ZNF616: variants seen among roughly 807,000 people sequenced by gnomAD.
ZNF616 encodes the protein zinc finger protein 616.
Under a neutral mutation model 7.6 loss-of-function variants are expected in ZNF616, and 5 were observed. That is an observed-to-expected ratio of 0.66 (90% CI 0.34 to 1.38). The LOEUF (loss-of-function observed/expected upper bound fraction) is 1.38. Ranked by LOEUF, ZNF616 falls within the 40% of genes most tolerant of loss-of-function variation. The pLI, the probability that ZNF616 is intolerant of heterozygous loss-of-function variation, is 0.04. For missense variants in ZNF616, 913 were observed against 948.3 expected (o/e 0.96, Z 0.49); for synonymous variants, 319 against 317.2 (o/e 1.01, Z -0.06).
At chr19:52,138,270 C>G (rs1439320345) in intron 1 of ZNF616, among the ~76,000 whole-genome samples, 1 of 152,210 alleles carries the variant, frequency 6.6e-6, no homozygotes, top group African/African-American at 2.4e-5. Flanking sequence ...ATGACTGAAT[C>G]AAGTCACTGC....
intron 1 of ZNF616, among the ~76,000 whole-genome samples, chr19:52,138,253 T>C (rs956868816): frequency 1.3e-5 from 2 of 152,114 alleles, no homozygotes; most frequent in African/African-American, 4.8e-5. Flanking sequence ...GAAAGAAGAG[T>C]TACAAAATGA....
intron 1 of ZNF616, among the ~76,000 whole-genome samples, chr19:52,136,674 T>C (rs2089012000): frequency 6.6e-6 from 1 of 152,170 alleles, no homozygotes; most frequent in African/African-American, 2.4e-5. Flanking sequence ...AAAAACACTA[T>C]GGATGTTCTT....
chr19:52,134,153 A>C (rs1004052617), intron 1 of ZNF616, among the ~76,000 whole-genome samples: 3 of 152,202 alleles, frequency 2.0e-5, no homozygotes, highest in Admixed American at 6.5e-5. Context: ...CACATTAGCA[A>C]ACTGACCCTT....
intron 2 of ZNF616, among the ~76,000 whole-genome samples, chr19:52,125,485 T>C (rs1360221560): frequency 6.6e-6 from 1 of 152,224 alleles, no homozygotes; most frequent in Non-Finnish European, 1.5e-5. Flanking sequence ...GGCTTGACAA[T>C]AATCTTCTTT....
intron 2 of ZNF616, among the ~76,000 whole-genome samples, chr19:52,127,421 GA>G (rs2088919471): frequency 6.6e-6 from 1 of 152,140 alleles, no homozygotes; most frequent in Non-Finnish European, 1.5e-5. Context: ...ATTTTGGAAA[GA>G]AAATGGAGGG....
intron 1 of ZNF616, among the ~76,000 whole-genome samples, chr19:52,137,053 G>GTGTA (rs958896902): frequency 1.1e-3 from 159 of 143,732 alleles, no homozygotes; most frequent in African/African-American, 3.4e-3. Context: ...TTATGTATGT[G>GTGTA]TATATATATA....
intron 2 of ZNF616, among the ~76,000 whole-genome samples, chr19:52,125,667 C>A (rs139259732): frequency 6.6e-6 from 1 of 152,102 alleles, no homozygotes; most frequent in Non-Finnish European, 1.5e-5. Context: ...GGGTCTCAGG[C>A]GTGGTCCTGC....
intron 1 of ZNF616, among the ~76,000 whole-genome samples, chr19:52,130,927 G>A (rs1022718356): frequency 2.0e-5 from 3 of 152,202 alleles, no homozygotes; most frequent in Non-Finnish European, 2.9e-5. Context: ...CTCTGCCCTC[G>A]GAAATGGGGG....
chr19:52,115,799 ATGCAC>A lies in ZNF616; in HGVS notation c.1360_1364del (p.Val454LeufsTer11). 3 of 1,608,846 alleles carry A rather than the reference ATGCAC, an allele frequency of 1.9e-6. No homozygotes were observed. The highest frequency in any genetic ancestry group is 2.5e-6 in the Non-Finnish European group (3 of 1,177,696). ...CTTTCTCGCCGGTATGAATTCTCCA[ATGCAC>A]TGCAAGATGTGAATGCTTACTGTAC... On this transcript the variant is annotated frameshift_variant, in exon 4 of 4. Coordinates refer to ENST00000600228, the MANE Select transcript of ZNF616 (RefSeq NM_178523.5). LOFTEE classifies it low-confidence loss of function (END_TRUNC).
At chr19:52,118,793 G>T (rs1270449037) in intron 3 of ZNF616, among the ~76,000 whole-genome samples, 1 of 152,070 alleles carries the variant, frequency 6.6e-6, no homozygotes, top group East Asian at 1.9e-4. Flanking sequence ...CAATATTCTA[G>T]ACTAGCTAAC....
chr19:52,129,221 G>A (rs1331306311), intron 2 of ZNF616, among the ~76,000 whole-genome samples: 7 of 152,294 alleles, frequency 4.6e-5, no homozygotes, highest in Middle Eastern at 3.4e-3. Context: ...AGAGGTTGCA[G>A]TGAGTCGAGA....
At chr19:52,117,739 A>AT (rs1405333320) in intron 3 of ZNF616, among the ~76,000 whole-genome samples, 2 of 152,220 alleles carry the variant, frequency 1.3e-5, no homozygotes, top group Non-Finnish European at 2.9e-5. Flanking sequence ...ACTTTTAAAG[A>AT]TAAAAGAAAG....
chr19:52,117,941 A>G (rs2088839349), intron 3 of ZNF616, among the ~76,000 whole-genome samples: 1 of 150,918 alleles, frequency 6.6e-6, no homozygotes, highest in South Asian at 2.1e-4. Context: ...GCAACTCCCT[A>G]TCTATTGTCA....
intron 1 of ZNF616, among the ~76,000 whole-genome samples, chr19:52,136,645 C>CATCA (rs1212180162): frequency 6.6e-6 from 1 of 152,122 alleles, no homozygotes; most frequent in African/African-American, 2.4e-5. Flanking sequence ...TGGGAGTGCA[C>CATCA]ATCAGTACAG....
rs537981730 is a variant in ZNF616, at chr19:52,116,074, G to A, written c.1090C>T (p.His364Tyr). 3.7e-6 allele frequency: 6 copies of A among 1,613,964 alleles called. No individual in the cohort carries two copies. In the African/African-American group the frequency reaches 8.0e-5, roughly 22 times the overall value. The change falls in exon 4 of 4, where the codon CAT becomes TAT. Residue 364 changes from histidine (H) to tyrosine (Y), a missense_variant. Coordinates refer to ENST00000600228, the MANE Select transcript of ZNF616 (RefSeq NM_178523.5). ...KCDVCGKAFR[H>Y]RSNLVCHRRI... ...CGGTGACATACAAGATTTGATCTAT[G>A]TCTGAATGCCTTGCCACATACATCA...
At chr19:52,124,373 G>A (rs1364776150) in intron 2 of ZNF616, among the ~76,000 whole-genome samples, 2 of 152,210 alleles carry the variant, frequency 1.3e-5, no homozygotes, top group Non-Finnish European at 2.9e-5. Flanking sequence ...TATATGAGTG[G>A]TGTTTTCAGA....
In ZNF616 at chr19:52,116,279, T is replaced by G. The variant is rs1600120939; in HGVS notation, c.885A>C (p.Lys295Asn). 2 of 1,614,148 alleles carry G rather than the reference T, an allele frequency of 1.2e-6. No homozygotes were observed. The highest frequency in any genetic ancestry group is 1.7e-5 in the Admixed American group (1 of 60,010). Reference sequence around the variant, plus strand: ...TCCCACACAGATTACATTTGTAAGGTTTTTCACCGGTATGAATTCTCTGAT... The same window carrying G: ...TCCCACACAGATTACATTTGTAAGGGTTTTCACCGGTATGAATTCTCTGAT... ...AVHQRIHTGE[K>N]PYKCNLCGKS... is the part of the protein sequence containing the mutation. The change falls in exon 4 of 4, where the codon AAA (lysine) becomes AAC (asparagine). Residue 295 changes from lysine to asparagine, a missense_variant. Transcript: ENST00000600228.
rs568865473 is a variant in ZNF616 at position 52,120,080 on chromosome 19, C to T, written c.140-3056G>A. 1.6e-4 allele frequency among the ~76,000 whole-genome samples: 25 copies of T among 152,110 alleles called. 2 individuals carry two copies. In the South Asian group the frequency reaches 5.2e-3, roughly 32 times the overall value. On this transcript the variant is annotated intron_variant, in intron 3 of 3. Transcript: ENST00000600228. Reference sequence around the variant, plus strand: ...GAAGAAGACACGCTGGCAAAATGGGCAAATATTAATCTGAAAAAACTAAGA... The same window carrying T: ...GAAGAAGACACGCTGGCAAAATGGGTAAATATTAATCTGAAAAAACTAAGA...
intron 3 of ZNF616, among the ~76,000 whole-genome samples, chr19:52,121,211 C>G (rs929525213): frequency 6.6e-6 from 1 of 152,164 alleles, no homozygotes; most frequent in Admixed American, 6.6e-5. Context: ...CACGCCACCA[C>G]GCCCAGCTAA....
Sources: allele counts gnomAD v4.1 joint callset (sites outside exome capture counted in the v4.1 genomes callset), GRCh38; gene constraint gnomAD v4.1.1; transcripts MANE v1.5; gene names NCBI Gene and HGNC (gene_info 2026-07-23, HGNC 2026-07-21).